KBTBD8: variants seen among roughly 807,000 people sequenced by gnomAD.
The protein encoded by KBTBD8 is kelch repeat and BTB domain containing 8, also known as kelch repeat and BTB domain-containing protein 8.
A neutral mutation model predicts 53.5 loss-of-function variants in KBTBD8; 31 were observed. The observed-to-expected ratio is 0.58, with a 90% CI of 0.44 to 0.78. KBTBD8 has a LOEUF of 0.78. KBTBD8 is among the 30% of genes least tolerant of loss of function. The pLI is 0.00. For missense variants in KBTBD8, 642 were observed against 735.8 expected, an observed-to-expected ratio of 0.87 and a Z score of 1.48; for synonymous variants, 250 against 247.3, an observed-to-expected ratio of 1.01 and a Z score of -0.10.
intron 2 of KBTBD8, among the ~76,000 whole-genome samples, chr3:67,000,695 A>G (rs560117647): frequency 6.6e-6 from 1 of 152,262 alleles, no homozygotes. Flanking sequence ...TTTTTATTGT[A>G]TATTGCATTT....
chr3:67,007,678 T>C (rs1355510090), intron 3 of KBTBD8, among the ~76,000 whole-genome samples: 1 of 152,134 alleles, frequency 6.6e-6, no homozygotes, highest in African/African-American at 2.4e-5. Context: ...ACCTTCCCAA[T>C]ACAAACCTCC....
In KBTBD8 at chr3:67,003,480, A is replaced by C. The variant is rs1381714063; in HGVS notation, c.513A>C (p.Ser171=). 7 of 1,614,082 alleles carry C rather than the reference A, an allele frequency of 4.3e-6. No homozygotes were observed. In the East Asian group the frequency reaches 1.6e-4, roughly 36 times the overall value. The part of the protein sequence containing the change: ...HYGHQELGDR[S]KEYIRKKFLC... ...GTCATCAGGAACTCGGAGATCGATC[A>C]AAAGAATACATTCGTAAAAAGTTTC... Residue 171 remains serine, a synonymous_variant, in exon 3 of 4, where the codon TCA becomes TCC. Coordinates refer to ENST00000417314, the MANE Select transcript of KBTBD8 (RefSeq NM_032505.3).
In KBTBD8 at chr3:67,008,230, A is replaced by C; in HGVS notation, c.1651A>C (p.Arg551=). ...TQVTVEEHVF[R]TSRKNSLYQY... ...AGTGACTGTTGAAGAACACGTCTTC[A>C]GAACCAGCAGAAAAAATTCCCTTTA... Residue 551 remains arginine, a synonymous_variant, in exon 4 of 4, where the codon AGA becomes CGA. Coordinates refer to ENST00000417314, the MANE Select transcript of KBTBD8 (RefSeq NM_032505.3). 6.2e-7 allele frequency: 1 copy of C among 1,614,150 alleles called. No homozygotes were observed. The highest frequency in any genetic ancestry group is 8.5e-7 in the Non-Finnish European group (1 of 1,180,022).
At chr3:67,005,375 G>A (rs578232130) in intron 3 of KBTBD8, among the ~76,000 whole-genome samples, 4 of 152,118 alleles carry the variant, frequency 2.6e-5, no homozygotes, top group Admixed American at 2.6e-4. Context: ...TACTGTACTT[G>A]TTCCATGTTT....
rs939880547 is a variant in KBTBD8 at position 67,008,900 on chromosome 3, T to A, written c.*515T>A. 2.0e-5 allele frequency: 3 copies of A among 153,292 alleles called. No individual in the cohort carries two copies. Among genetic ancestry groups the A allele is most frequent in the Non-Finnish European group, 4.4e-5 (3 of 68,478 alleles). The allele number at this position is 153,292 out of a possible 1,614,324, so 9.5% of individuals were successfully genotyped here. On this transcript the variant is annotated 3_prime_UTR_variant, in exon 4 of 4. Transcript: ENST00000417314. ...TGTACTGTTTTCAAGTGTACTGAGATTTAAATGTGTTCTATTATTAGAGTA... is the reference window on the plus strand; with the variant it reads ...TGTACTGTTTTCAAGTGTACTGAGAATTAAATGTGTTCTATTATTAGAGTA...
At position 67,003,393 on chromosome 3, in the gene KBTBD8, T is replaced by C. The variant is rs368156943; in HGVS notation, c.426T>C (p.Tyr142=). Residue 142 remains tyrosine, a synonymous_variant, in exon 3 of 4, where the codon TAT becomes TAC. Coordinates refer to ENST00000417314, the MANE Select transcript of KBTBD8 (RefSeq NM_032505.3). ...IPSIQDQCAK[Y]MISHLDPQNS... ...CCATCCAAGACCAATGTGCTAAGTA[T>C]ATGATCAGTCATTTGGACCCACAGA... The C allele has an allele frequency of 1.2e-5, 20 of 1,614,188 alleles. No individual in the cohort carries two copies. The highest frequency in any genetic ancestry group is 1.6e-5 in the Non-Finnish European group (19 of 1,180,002).
chr3:67,003,189 T>C lies in KBTBD8; in HGVS notation c.228-6T>C. The C allele has an allele frequency of 6.2e-7, 1 of 1,608,760 alleles. No homozygotes were observed. The highest frequency in any genetic ancestry group is 8.5e-7 in the Non-Finnish European group (1 of 1,175,380). On this transcript the variant is annotated splice_polypyrimidine_tract_variant and splice_region_variant and intron_variant, in intron 2 of 3. Coordinates refer to ENST00000417314, the MANE Select transcript of KBTBD8 (RefSeq NM_032505.3). Reference sequence around the variant, plus strand: ...CGTGTAATATTAACCACTCTTTCCTTCTTAGATCCATGTTCACTAGCGGCC... The same window carrying C: ...CGTGTAATATTAACCACTCTTTCCTCCTTAGATCCATGTTCACTAGCGGCC...
intron 2 of KBTBD8, 30 bp downstream of exon 2, chr3:66,999,221 A>G (rs2106753977): frequency 1.9e-6 from 3 of 1,546,814 alleles, no homozygotes; most frequent in Non-Finnish European, 2.7e-6. Flanking sequence ...TTCTGTTGGT[A>G]TCTGCACCAA....
intron 1 of KBTBD8, 86 bp downstream of exon 1, chr3:66,998,457 G>A (rs1420616020): frequency 1.9e-6 from 2 of 1,067,414 alleles, no homozygotes; most frequent in Non-Finnish European, 2.5e-6. Context: ...GGATGAGGAC[G>A]TAGCGGTGCG....
chr3:67,003,846 T>C lies in KBTBD8; in HGVS notation c.879T>C (p.Ala293=). 1.2e-6 allele frequency: 2 copies of C among 1,614,210 alleles called. No homozygotes were observed. Among genetic ancestry groups the C allele is most frequent in the Non-Finnish European group, 1.7e-6 (2 of 1,180,046 alleles). The change falls in exon 3 of 4, where the codon GCT becomes GCC. Residue 293 remains alanine (A), a synonymous_variant. Coordinates refer to ENST00000417314, the MANE Select transcript of KBTBD8 (RefSeq NM_032505.3). The part of the protein sequence containing the change: ...TASEMIICFD[A]AHKHSGKKQT... ...CTGAAATGATCATATGTTTTGATGC[T>C]GCCCACAAACACTCAGGAAAGAAGC...
chr3:67,003,877 G>C lies in KBTBD8; in HGVS notation c.910G>C (p.Val304Leu), dbSNP rs1245288560. Residue 304 changes from valine to leucine, a missense_variant, in exon 3 of 4, where the codon GTG (valine) becomes CTG (leucine). Physicochemically the swap from Val to Leu is conservative, Grantham distance 32 (BLOSUM62 1). Coordinates refer to ENST00000417314, the MANE Select transcript of KBTBD8 (RefSeq NM_032505.3). The part of the protein sequence containing the change: ...AHKHSGKKQT[V>L]PCLDIVTGRV... ...CAAACACTCAGGAAAGAAGCAAACA[G>C]TGCCTTGTCTAGATATAGTCACAGG... 1.2e-6 allele frequency: 2 copies of C among 1,614,166 alleles called. No individual in the cohort carries two copies. Among genetic ancestry groups the C allele is most frequent in the East Asian group, 2.2e-5 (1 of 44,890 alleles).
rs114644902 is a variant in KBTBD8 at position 66,998,817 on chromosome 3, G to T, written c.17-164G>T. On this transcript the variant is annotated intron_variant, in intron 1 of 3. Transcript: ENST00000417314. Reference sequence around the variant, plus strand: ...ATCGCGCTCCGCCCTCTGTCTCCCAGATCCTTAACTCGCGGTCCCACGAGG... The same window carrying T: ...ATCGCGCTCCGCCCTCTGTCTCCCATATCCTTAACTCGCGGTCCCACGAGG... The T allele has an allele frequency of 6.3e-6, 4 of 636,704 alleles. No homozygotes were observed. In the African/African-American group the frequency reaches 7.3e-5, roughly 12 times the overall value. The allele number at this position is 636,704 out of a possible 1,614,324, so 39.4% of individuals were successfully genotyped here.
chr3:67,005,292 G>A (rs1702055310), intron 3 of KBTBD8, among the ~76,000 whole-genome samples: 1 of 152,176 alleles, frequency 6.6e-6, no homozygotes, highest in African/African-American at 2.4e-5. Context: ...ACAGTCATGT[G>A]CCATGTAATG....
intron 2 of KBTBD8, among the ~76,000 whole-genome samples, chr3:67,001,180 A>G (rs1215341389): frequency 1.3e-5 from 2 of 152,166 alleles, no homozygotes; most frequent in Non-Finnish European, 2.9e-5. Flanking sequence ...AGAAACCTCA[A>G]GGATTAGAAT....
chr3:67,003,672 T>G lies in KBTBD8; in HGVS notation c.705T>G (p.Ile235Met). Reference sequence around the variant, plus strand: ...AAAGAGAAGTGCACCTTCCAGAAATTTTTGCTAAATGCATACGTTTTCCTC... The same window carrying G: ...AAAGAGAAGTGCACCTTCCAGAAATGTTTGCTAAATGCATACGTTTTCCTC... ...QNEREVHLPE[I>M]FAKCIRFPLM... Residue 235 changes from isoleucine to methionine, a missense_variant, in exon 3 of 4, where the codon ATT (isoleucine) becomes ATG (methionine). Physicochemically the swap from Ile to Met is conservative, Grantham distance 10 (BLOSUM62 1). Transcript: ENST00000417314. 1 of 1,614,094 alleles carries G rather than the reference T, an allele frequency of 6.2e-7. No homozygotes were observed. The highest frequency in any genetic ancestry group is 2.2e-5 in the East Asian group (1 of 44,884).
In KBTBD8 at chr3:67,003,771, G is replaced by A. The variant is rs1258817287; in HGVS notation, c.804G>A (p.Lys268=). 6.2e-7 allele frequency: 1 copy of A among 1,614,122 alleles called. No individual in the cohort carries two copies. The highest frequency in any genetic ancestry group is 8.5e-7 in the Non-Finnish European group (1 of 1,180,000). Residue 268 remains lysine (K), a synonymous_variant, in exon 3 of 4, where the codon AAG becomes AAA. Transcript: ENST00000417314. ...CTATAGCCAAAAGCTGTGTAGAAAAGGGACCATCCAACACCAATGGCTGTA... is the reference window on the plus strand; with the variant it reads ...CTATAGCCAAAAGCTGTGTAGAAAAAGGACCATCCAACACCAATGGCTGTA... The part of the protein sequence containing the change: ...AQAIAKSCVE[K]GPSNTNGCTQ...
chr3:67,000,882 A>ATG (rs1268516131), intron 2 of KBTBD8, among the ~76,000 whole-genome samples: 1 of 151,946 alleles, frequency 6.6e-6, no homozygotes, highest in Non-Finnish European at 1.5e-5. Flanking sequence ...AATATGATAT[A>ATG]TGTATACATA....
chr3:67,002,079 G>A (rs1232390820), intron 2 of KBTBD8, among the ~76,000 whole-genome samples: 1 of 152,084 alleles, frequency 6.6e-6, no homozygotes, highest in Non-Finnish European at 1.5e-5. Flanking sequence ...GGTCTCGAAG[G>A]TAAAAGTTTG....
rs1348958725 is a variant in KBTBD8 at position 67,007,114 on chromosome 3, C to T, written c.1343-808C>T. ...ACATTCAGGTAAGCACATCAGTGAC[C>T]CATAAGCATAAATCTGCACAATTCC... On this transcript the variant is annotated intron_variant, in intron 3 of 3. Transcript: ENST00000417314. 4.6e-5 allele frequency among the ~76,000 whole-genome samples: 7 copies of T among 152,032 alleles called. 1 individual carries two copies. Among genetic ancestry groups the T allele is most frequent in the Admixed American group, 2.6e-4 (4 of 15,274 alleles).
Sources: allele counts gnomAD v4.1 joint callset (sites outside exome capture counted in the v4.1 genomes callset), GRCh38; gene constraint gnomAD v4.1.1; transcripts MANE v1.5; gene names NCBI Gene and HGNC (gene_info 2026-07-23, HGNC 2026-07-21).